The following CSMD1 variants were observed in gnomAD, a reference collection of about 807,000 sequenced individuals.
CSMD1 encodes CUB and sushi domain-containing protein 1.
CSMD1 carries 213 observed loss-of-function variants against 417.5 expected under a neutral mutation model. That is an observed-to-expected ratio of 0.51 (90% CI 0.46 to 0.57). The LOEUF is 0.57. CSMD1 is among the 20% of genes least tolerant of loss of function. The pLI is 0.00. For synonymous variants in CSMD1, 2,862 were observed against 1,736.8 expected, an observed-to-expected ratio of 1.65 and a Z score of -16.11; for missense variants, 6,923 against 4,529.7, an observed-to-expected ratio of 1.53 and a Z score of -15.17.
intron 3 of CSMD1, among the ~76,000 whole-genome samples, chr8:4,376,708 A>C (rs140749181): frequency 0.015 from 2,217 of 152,290 alleles, 66 homozygotes; most frequent in Admixed American, 0.065. Context: ...TAATCTTTGC[A>C]AACTGATTGC....
chr8:4,866,063 G>T (rs1424987417), intron 1 of CSMD1, among the ~76,000 whole-genome samples: 8 of 151,826 alleles, frequency 5.3e-5, no homozygotes, highest in South Asian at 2.1e-4. Context: ...CACCTTAATG[G>T]TTCTGTGCCT....
intron 6 of CSMD1, among the ~76,000 whole-genome samples, chr8:3,712,116 G>T (rs953394633): frequency 2.0e-5 from 3 of 152,134 alleles, no homozygotes; most frequent in African/African-American, 7.2e-5. Flanking sequence ...GTGTTATACT[G>T]ATGTAGACTA....
intron 1 of CSMD1, among the ~76,000 whole-genome samples, chr8:4,722,767 G>C (rs1563220608): frequency 6.6e-6 from 1 of 152,086 alleles, no homozygotes; most frequent in South Asian, 2.1e-4. Context: ...ACAGTCACTT[G>C]AACTCAACTA....
chr8:3,663,708 G>A lies in CSMD1; in HGVS notation c.1009+44706C>T, dbSNP rs148334145. On this transcript the variant is annotated intron_variant, in intron 7 of 69. Coordinates refer to ENST00000635120, the MANE Select transcript of CSMD1 (RefSeq NM_033225.6). ...GGAAACCCCTTCTCTGCTTCCAGCCGTTCTGCCCGCCTTTGCTTTGAGTTG... is the reference window on the plus strand; with the variant it reads ...GGAAACCCCTTCTCTGCTTCCAGCCATTCTGCCCGCCTTTGCTTTGAGTTG... Among the ~76,000 whole-genome samples, 458 of 152,216 alleles carry A rather than the reference G, an allele frequency of 3.0e-3. 2 individuals are homozygous for A. The highest frequency in any genetic ancestry group is 0.01 in the African/African-American group (418 of 41,524).
rs945100721 is a variant in CSMD1, at chr8:2,936,617, G to A, written c.*1968C>T. The A allele has an allele frequency of 2.0e-5, 3 of 152,178 alleles. No homozygotes were observed. The highest frequency in any genetic ancestry group is 2.0e-4 in the Admixed American group (3 of 15,266). 9.4% of individuals were successfully genotyped at this position (152,178 alleles called of 1,614,324 possible). ...CAGGGAAAACTGTGCAGAGAATTCAGCATAATGATACAGAATCCAACAGCG... is the reference window on the plus strand; with the variant it reads ...CAGGGAAAACTGTGCAGAGAATTCAACATAATGATACAGAATCCAACAGCG... On this transcript the variant is annotated 3_prime_UTR_variant, in exon 70 of 70. Transcript: ENST00000635120.
At chr8:4,437,065 G>C (rs553408054) in intron 2 of CSMD1, among the ~76,000 whole-genome samples, 4 of 152,062 alleles carry the variant, frequency 2.6e-5, no homozygotes, top group South Asian at 2.1e-4. Flanking sequence ...AATTTAATGG[G>C]ACAGGCTATG....
chr8:3,194,288 G>A (rs538319303), intron 33 of CSMD1, among the ~76,000 whole-genome samples: 1 of 152,122 alleles, frequency 6.6e-6, no homozygotes, highest in Non-Finnish European at 1.5e-5. Context: ...ACATGTATTT[G>A]CCTGCCCAGA....
At chr8:3,671,595 G>A (rs62474694) in intron 7 of CSMD1, among the ~76,000 whole-genome samples, 6,814 of 70,574 alleles carry the variant, frequency 0.097, 661 homozygotes, top group East Asian at 0.19. Context: ...ATATATATAT[G>A]ATTAGTTCTA....
chr8:3,820,034 A>G (rs534546504), intron 5 of CSMD1, among the ~76,000 whole-genome samples: 1 of 152,308 alleles, frequency 6.6e-6, no homozygotes, highest in South Asian at 2.1e-4. Flanking sequence ...ATCTTCACAG[A>G]TAGAAAAATC....
intron 1 of CSMD1, among the ~76,000 whole-genome samples, chr8:4,971,418 C>T (rs1810230834): frequency 1.3e-5 from 2 of 152,070 alleles, no homozygotes; most frequent in South Asian, 4.1e-4. Context: ...TCTAACACTA[C>T]AATAATTCAA....
chr8:3,604,093 T>C (rs1394524671), intron 8 of CSMD1, among the ~76,000 whole-genome samples: 8 of 152,234 alleles, frequency 5.3e-5, no homozygotes, highest in African/African-American at 1.7e-4. Context: ...GAATGCTTCC[T>C]TCGAAGCAGG....
intron 3 of CSMD1, among the ~76,000 whole-genome samples, chr8:4,033,541 A>G (rs978870113): frequency 2.0e-5 from 3 of 152,162 alleles, no homozygotes; most frequent in African/African-American, 2.4e-5. Context: ...AAACCAATGT[A>G]TATCTGAAGT....
At chr8:4,446,742 T>A (rs929768423) in intron 2 of CSMD1, among the ~76,000 whole-genome samples, 1 of 116,454 alleles carries the variant, frequency 8.6e-6, no homozygotes, top group African/African-American at 3.9e-5. Context: ...TCTGTGTGTG[T>A]GTGTGTGTGT....
intron 1 of CSMD1, among the ~76,000 whole-genome samples, chr8:4,909,465 C>T (rs538960314): frequency 6.6e-6 from 1 of 152,148 alleles, no homozygotes; most frequent in Non-Finnish European, 1.5e-5. Flanking sequence ...GGAAGTAACA[C>T]CCTTCCCTGA....
intron 11 of CSMD1, among the ~76,000 whole-genome samples, chr8:3,486,265 T>C (rs1182999576): frequency 8.2e-6 from 1 of 121,298 alleles, no homozygotes. Flanking sequence ...TTTAATCTTT[T>C]TAAAACTATT....
At chr8:3,307,153 T>C (rs1389940283) in intron 25 of CSMD1, among the ~76,000 whole-genome samples, 1 of 152,174 alleles carries the variant, frequency 6.6e-6, no homozygotes, top group Non-Finnish European at 1.5e-5. Context: ...GAGTCTTGCC[T>C]AGCCCATGAG....
At chr8:3,869,629 G>A (rs74363439) in intron 5 of CSMD1, among the ~76,000 whole-genome samples, 3,083 of 152,244 alleles carry the variant, frequency 0.02, 106 homozygotes, top group African/African-American at 0.071. Context: ...TCACCGCTGA[G>A]CTAACCTGGG....
In CSMD1 at chr8:3,899,403, C is replaced by A. The variant is rs137995439; in HGVS notation, c.818+98500G>T. On this transcript the variant is annotated intron_variant, in intron 5 of 69. Coordinates refer to ENST00000635120, the MANE Select transcript of CSMD1 (RefSeq NM_033225.6). ...ACTGAACATGACCCATATGGGTATG[C>A]TGATTACTTCAACATGTTGGCCACA... Among the ~76,000 whole-genome samples the A allele has an allele frequency of 1.8e-3, 281 of 152,278 alleles. 2 individuals are homozygous for A. Among genetic ancestry groups the A allele is most frequent in the African/African-American group, 6.3e-3 (261 of 41,556 alleles).
intron 23 of CSMD1, among the ~76,000 whole-genome samples, chr8:3,341,964 G>C (rs1807685217): frequency 6.6e-6 from 1 of 152,150 alleles, no homozygotes; most frequent in African/African-American, 2.4e-5. Context: ...CAAGCAAAAT[G>C]GTTTTACAAG....
Sources: allele counts gnomAD v4.1 joint callset (sites outside exome capture counted in the v4.1 genomes callset), GRCh38; gene constraint gnomAD v4.1.1; transcripts MANE v1.5; gene names NCBI Gene and HGNC (gene_info 2026-07-23, HGNC 2026-07-21).